The following FLI1 variants were observed in gnomAD, a reference collection of about 807,000 sequenced individuals.
The protein encoded by FLI1 is Friend leukemia integration 1 transcription factor.
A neutral mutation model predicts 53.1 loss-of-function variants in FLI1; 13 were observed. The ratio of observed to expected loss-of-function variants is 0.24; its 90% confidence interval spans 0.16 to 0.39. The LOEUF (loss-of-function observed/expected upper bound fraction) is 0.39. FLI1 is among the 10% of genes least tolerant of loss of function. FLI1 has a pLI of 1.00. For synonymous variants in FLI1, 244 were observed against 236.7 expected (o/e 1.03, Z -0.28); for missense variants, 424 against 600.5 (o/e 0.71, Z 3.07).
chr11:128,772,028 C>CCACACACA (rs57703345), intron 3 of FLI1, among the ~76,000 whole-genome samples: 3 of 139,038 alleles, frequency 2.2e-5, no homozygotes, highest in African/African-American at 5.4e-5. Context: ...AACATCCCCA[C>CCACACACA]CACACACACA....
At chr11:128,715,189 G>A (rs1255234028) in intron 1 of FLI1, among the ~76,000 whole-genome samples, 4 of 152,298 alleles carry the variant, frequency 2.6e-5, no homozygotes, top group Admixed American at 2.0e-4. Context: ...GAAATATTTT[G>A]AGATTTTCAG....
At chr11:128,718,703 A>G (rs1224709952) in intron 1 of FLI1, among the ~76,000 whole-genome samples, 1 of 152,194 alleles carries the variant, frequency 6.6e-6, no homozygotes, top group African/African-American at 2.4e-5. Flanking sequence ...TTCAAATTTC[A>G]ATTGTTCCTT....
chr11:128,685,468 T>C (rs1456446850), upstream of FLI1, among the ~76,000 whole-genome samples: 1 of 152,112 alleles, frequency 6.6e-6, no homozygotes, highest in Non-Finnish European at 1.5e-5. Flanking sequence ...TCGGGAAATG[T>C]GGGACTTTGG....
chr11:128,800,072 G>T (rs188285110), intron 5 of FLI1, among the ~76,000 whole-genome samples: 1 of 152,138 alleles, frequency 6.6e-6, no homozygotes, highest in African/African-American at 2.4e-5. Context: ...GAAGTTGAGG[G>T]CTTTGGGTCT....
chr11:128,743,405 T>TAAA (rs373125181), intron 1 of FLI1, among the ~76,000 whole-genome samples: 3 of 91,560 alleles, frequency 3.3e-5, no homozygotes, highest in Non-Finnish European at 4.5e-5. Flanking sequence ...ACCATGTCTC[T>TAAA]AAAAAAAAAA....
At chr11:128,779,071 A>G (rs640098) in intron 4 of FLI1, among the ~76,000 whole-genome samples, 105,303 of 152,186 alleles carry the variant, frequency 0.69, 38,113 homozygotes, top group African/African-American at 0.92. Flanking sequence ...CATGAAATAT[A>G]CATTTCATGC....
At chr11:128,693,922 G>A (rs1937882269), upstream of FLI1, 1 of 277,836 alleles carries the variant, frequency 3.6e-6, no homozygotes. Flanking sequence ...GGGGAGAGAA[G>A]AGAGAGGAGA....
chr11:128,692,786 G>T (rs2135680678), upstream of FLI1: 1 of 152,336 alleles, frequency 6.6e-6, no homozygotes, highest in Admixed American at 6.5e-5. Flanking sequence ...GCGTGGTCCG[G>T]AGAGCGTGGA....
chr11:128,703,517 A>G (rs927501636), intron 1 of FLI1, among the ~76,000 whole-genome samples: 6 of 152,194 alleles, frequency 3.9e-5, no homozygotes, highest in Non-Finnish European at 8.8e-5. Flanking sequence ...AAAATTCTCC[A>G]ATGTATATTA....
chr11:128,758,585 T>A (rs1323272641), intron 2 of FLI1, among the ~76,000 whole-genome samples: 5 of 152,166 alleles, frequency 3.3e-5, no homozygotes, highest in Admixed American at 3.3e-4. Context: ...CCCAAGCGCC[T>A]ATGCAGACAC....
chr11:128,774,781 T>C (rs1016135709), intron 4 of FLI1, among the ~76,000 whole-genome samples: 2 of 152,148 alleles, frequency 1.3e-5, no homozygotes, highest in Non-Finnish European at 2.9e-5. Context: ...CCCGGGGCCC[T>C]AACCAGTCCA....
chr11:128,735,822 T>C (rs1363682169), intron 1 of FLI1, among the ~76,000 whole-genome samples: 1 of 152,230 alleles, frequency 6.6e-6, no homozygotes, highest in African/African-American at 2.4e-5. Context: ...CAGAAAATAG[T>C]ATTTAGAATA....
intron 1 of FLI1, among the ~76,000 whole-genome samples, chr11:128,696,181 T>C (rs1423641232): frequency 1.3e-5 from 2 of 152,174 alleles, no homozygotes; most frequent in Non-Finnish European, 2.9e-5. Flanking sequence ...CCTTCCTTTT[T>C]TTGTGGGTGG....
chr11:128,685,330 C>T (rs911767317), upstream of FLI1, among the ~76,000 whole-genome samples: 9 of 152,184 alleles, frequency 5.9e-5, no homozygotes, highest in Non-Finnish European at 1.3e-4. Flanking sequence ...TGGAGCTGCC[C>T]GGAGTTCCGC....
At chr11:128,755,538 T>C (rs1400645247) in intron 1 of FLI1, among the ~76,000 whole-genome samples, 1 of 152,214 alleles carries the variant, frequency 6.6e-6, no homozygotes, top group Non-Finnish European at 1.5e-5. Context: ...AAGGTTGCAA[T>C]GTCACCCTTT....
intron 1 of FLI1, among the ~76,000 whole-genome samples, chr11:128,727,515 C>T (rs1362289149): frequency 1.3e-5 from 2 of 152,186 alleles, no homozygotes; most frequent in Non-Finnish European, 2.9e-5. Flanking sequence ...GGACAGAGCC[C>T]AAGGGCCAGG....
chr11:128,751,661 G>A (rs925167544), intron 1 of FLI1, among the ~76,000 whole-genome samples: 8 of 151,892 alleles, frequency 5.3e-5, no homozygotes, highest in African/African-American at 1.9e-4. Context: ...CAAGTAGCTG[G>A]GACTACAGGC....
At chr11:128,799,768 G>C (rs548894320) in intron 5 of FLI1, among the ~76,000 whole-genome samples, 1 of 152,154 alleles carries the variant, frequency 6.6e-6, no homozygotes, top group Non-Finnish European at 1.5e-5. Context: ...GGGAAGGTTC[G>C]GGCAGTGCAG....
chr11:128,734,666 C>T (rs886585899), intron 1 of FLI1, among the ~76,000 whole-genome samples: 2 of 152,144 alleles, frequency 1.3e-5, no homozygotes, highest in East Asian at 1.9e-4. Flanking sequence ...GAGAAAATGT[C>T]AGGGAGGCCT....
Sources: gnomAD v4.1 joint callset for allele counts (sites outside exome capture counted in the v4.1 genomes callset) on GRCh38, gnomAD v4.1.1 for gene constraint, MANE v1.5 for transcripts, NCBI Gene and HGNC (gene_info 2026-07-23, HGNC 2026-07-21) for gene names.